Variants in KRT1 observed in about 807,000 individuals in gnomAD.
KRT1 encodes the protein keratin 1, also known as keratin, type II cytoskeletal 1.
In KRT1, 28 loss-of-function variants were observed where a neutral mutation model predicts 51.6. That is an observed-to-expected ratio of 0.54 (90% confidence interval 0.40 to 0.74). KRT1 has a LOEUF of 0.74. Among genes scored for constraint, KRT1 ranks in the 30% least tolerant of loss-of-function variants. KRT1 has a pLI of 0.00. For missense variants in KRT1, 783 were observed against 815.5 expected (o/e 0.96, Z 0.49); for synonymous variants, 301 against 307.7 (o/e 0.98, Z 0.23).
Position 52,678,607 on chromosome 12 carries a change from A to T in KRT1, c.741T>A (p.Ser247Arg). 6.2e-7 allele frequency: 1 copy of T among 1,614,128 alleles called. No individual in the cohort carries two copies. The highest frequency in any genetic ancestry group is 2.2e-5 in the East Asian group (1 of 44,880). The change falls in exon 2 of 9, where the codon AGT becomes AGA. Residue 247 changes from serine (S) to arginine (R), a missense_variant. Coordinates refer to ENST00000252244, the MANE Select transcript of KRT1 (RefSeq NM_006121.4). ...NLRRRVDQLK[S>R]DQSRLDSELK... ...GTTCCGAATCCAACCGAGATTGATC[A>T]CTCTTCAGTTGGTCCACTCTCCTTC...
Position 52,678,694 on chromosome 12 carries a change from T to C in KRT1, c.654A>G (p.Val218=), listed in dbSNP as rs143756169. 2.5e-6 allele frequency: 4 copies of C among 1,614,134 alleles called. No homozygotes were observed. The African/African-American group carries it at 4.0e-5, about 16-fold the overall frequency. Residue 218 remains valine, a synonymous_variant, in exon 2 of 9, where the codon GTA becomes GTG. Transcript: ENST00000252244. ...LQTKWELLQQ[V]DTSTRTHNLE... ...AATTATGGGTTCTAGTGGAGGTATC[T>C]ACCTGCTGCAGCAGCTCCCATTTTG...
Position 52,677,166 on chromosome 12 carries a change from T to C in KRT1, c.1147A>G (p.Thr383Ala). The change falls in exon 6 of 9, where the codon ACT (threonine) becomes GCT (alanine). Residue 383 changes from threonine to alanine, a missense_variant. Physicochemically the swap from Thr to Ala is moderately conservative, Grantham distance 58. Coordinates refer to ENST00000252244, the MANE Select transcript of KRT1 (RefSeq NM_006121.4). ...ACACTATCCCCATGTCTGCCAGCAG[T>C]GATCTGCAGCTCTTCATACTAAAGA... ...YQSKYEELQI[T>A]AGRHGDSVRN... 1 of 1,614,204 alleles carries C rather than the reference T, an allele frequency of 6.2e-7. No individual in the cohort carries two copies. Among genetic ancestry groups the C allele is most frequent in the South Asian group, 1.1e-5 (1 of 91,082 alleles).
rs1331583983 is a variant in KRT1, at chr12:52,674,892, C to T, written c.*301G>A. The T allele has an allele frequency of 3.7e-6, 2 of 543,632 alleles. No homozygotes were observed. Among genetic ancestry groups the T allele is most frequent in the Non-Finnish European group, 6.6e-6 (2 of 302,964 alleles). The allele number at this position is 543,632 out of a possible 1,614,324, so 33.7% of individuals were successfully genotyped here. A position where few individuals can be genotyped will look rare whatever the true frequency, so the allele number is the denominator to read the frequency against. ...TGTCCACACCCTGGGTCTAACTGGTCCTACTCTGGCTGGCTTAAGGAGGTG... is the reference window on the plus strand; with the variant it reads ...TGTCCACACCCTGGGTCTAACTGGTTCTACTCTGGCTGGCTTAAGGAGGTG... On this transcript the variant is annotated 3_prime_UTR_variant, in exon 9 of 9. Transcript: ENST00000252244.
Position 52,675,324 on chromosome 12 carries a change from GGCCGCCAGAGCTGCC to G in KRT1, c.1789_1803del (p.Gly597_Gly601del), listed in dbSNP as rs764913276. ...CCAGAGCTCCCGCCGCCAGAGCCCC[GGCCGCCAGAGCTGCC>G]GCCGCCGCCGCCTCCAGAGCCACCT... On this transcript the variant is annotated inframe_deletion, in exon 9 of 9. Transcript: ENST00000252244. 6.2e-7 allele frequency: 1 copy of G among 1,611,664 alleles called. No homozygotes were observed. The highest frequency in any genetic ancestry group is 1.7e-5 in the Admixed American group (1 of 59,982).
rs2121010472 is a variant in KRT1, at chr12:52,679,824, C to T, written c.525G>A (p.Lys175=). ...LNVEIDPEIQ[K]VKSREREQIK... ...TTTGCTCCCTTTCTCGAGACTTCAC[C>T]TTTTGGATCTCAGGGTCAATCTCCA... is the stretch of plus-strand genomic sequence containing the variant. The change falls in exon 1 of 9, where the codon AAG becomes AAA. Residue 175 remains lysine (K), a synonymous_variant. Transcript: ENST00000252244. The T allele has an allele frequency of 6.2e-7, 1 of 1,614,170 alleles. No homozygotes were observed. Among genetic ancestry groups the T allele is most frequent in the Non-Finnish European group, 8.5e-7 (1 of 1,180,032 alleles).
rs201712128 is a variant in KRT1, at chr12:52,680,339, G to C, written c.10C>G (p.Gln4Glu). MSR[Q>E]FSSRSGYRSG... ...CGGTACCCAGACCTGGAACTAAACTGTCGACTCATGTTGACTTAGAGAAAA... is the reference window on the plus strand; with the variant it reads ...CGGTACCCAGACCTGGAACTAAACTCTCGACTCATGTTGACTTAGAGAAAA... Residue 4 changes from glutamine (Q) to glutamate (E), a missense_variant, in exon 1 of 9, where the codon CAG becomes GAG. Gln to Glu is a conservative substitution (Grantham distance 29, BLOSUM62 2). Transcript: ENST00000252244. 83 of 1,613,892 alleles carry C rather than the reference G, an allele frequency of 5.1e-5. 1 individual carries two copies. In the Admixed American group the frequency reaches 8.7e-4, roughly 17 times the overall value.
Position 52,679,889 on chromosome 12 carries a change from C to A in KRT1, c.460G>T (p.Glu154Ter). 1 of 1,614,104 alleles carries A rather than the reference C, an allele frequency of 6.2e-7. No individual in the cohort carries two copies. The highest frequency in any genetic ancestry group is 8.5e-7 in the Non-Finnish European group (1 of 1,180,016). ...GPVCPPGGIQ[E>*]VTINQSLLQP... Reference sequence around the variant, plus strand: ...AGAAGGCTCTGGTTGATAGTGACTTCTTGTATGCCACCAGGAGGGCAGACA... The same window carrying A: ...AGAAGGCTCTGGTTGATAGTGACTTATTGTATGCCACCAGGAGGGCAGACA... The change falls in exon 1 of 9, where the codon GAA (glutamate) becomes TAA (stop). Residue 154 changes from glutamate (E) to a stop codon, truncating the protein, a stop_gained. Transcript: ENST00000252244. LOFTEE classifies it high-confidence loss of function.
At chr12:52,678,142 C>T (rs368400506) in intron 3 of KRT1, 21 bp downstream of exon 3, 107 of 1,612,050 alleles carry the variant, frequency 6.6e-5, no homozygotes, top group Non-Finnish European at 8.0e-5. Flanking sequence ...ATGTGAGTTC[C>T]GTCCTACAGA....
In KRT1 at chr12:52,676,443, G is replaced by T; in HGVS notation, c.1307C>A (p.Ala436Asp). 1 of 1,614,154 alleles carries T rather than the reference G, an allele frequency of 6.2e-7. No individual in the cohort carries two copies. The highest frequency in any genetic ancestry group is 8.5e-7 in the Non-Finnish European group (1 of 1,180,036). The change falls in exon 7 of 9, where the codon GCC becomes GAC. Residue 436 changes from alanine to aspartate, a missense_variant. Physicochemically the swap from Ala to Asp is moderately radical, Grantham distance 126 (BLOSUM62 -2). Transcript: ENST00000252244. ...ISDAEQRGEN[A>D]LKDAKNKLND... ...CAGCTTGTTCTTGGCATCCTTGAGGGCATTCTCGCCACGCTGCTCTGCATC... is the reference window on the plus strand; with the variant it reads ...CAGCTTGTTCTTGGCATCCTTGAGGTCATTCTCGCCACGCTGCTCTGCATC...
intron 2 of KRT1, 40 bp from the exon 3 acceptor site, chr12:52,678,263 TA>T (rs757417175): frequency 6.3e-7 from 1 of 1,599,966 alleles, no homozygotes; most frequent in Non-Finnish European, 8.6e-7. Context: ...TCAGAGGTGG[TA>T]AGACCTGAAG....
rs1222036560 is a variant in KRT1 at position 52,677,655 on chromosome 12, G to C, written c.958C>G (p.Gln320Glu). ...QEIDFLTALYQAELSQMQTQI... is the reference protein window; with the variant it reads ...QEIDFLTALYEAELSQMQTQI... ...GTTGAAACTGGAAGACTTACTGCTTGGTAGAGTGCTGTAAGGAAATCAATT... is the reference window on the plus strand; with the variant it reads ...GTTGAAACTGGAAGACTTACTGCTTCGTAGAGTGCTGTAAGGAAATCAATT... The change falls in exon 4 of 9, where the codon CAA becomes GAA. Residue 320 changes from glutamine (Q) to glutamate (E), a missense_variant. Gln to Glu is a conservative substitution (Grantham distance 29, BLOSUM62 2). Transcript: ENST00000252244. The C allele has an allele frequency of 9.9e-6, 16 of 1,614,012 alleles. No individual in the cohort carries two copies. The highest frequency in any genetic ancestry group is 1.3e-5 in the Non-Finnish European group (15 of 1,179,892).
At position 52,675,558 on chromosome 12, in the gene KRT1, C is replaced by T. The variant is rs1157848022; in HGVS notation, c.1570G>A (p.Gly524Ser). The T allele has an allele frequency of 1.9e-6, 3 of 1,613,956 alleles. No individual in the cohort carries two copies. The highest frequency in any genetic ancestry group is 2.5e-6 in the Non-Finnish European group (3 of 1,179,944). The change falls in exon 9 of 9, where the codon GGC becomes AGC. Residue 524 changes from glycine (G) to serine (S), a missense_variant. Coordinates refer to ENST00000252244, the MANE Select transcript of KRT1 (RefSeq NM_006121.4). Reference sequence around the variant, plus strand: ...TAGCTGCTACCTCCAGAGCCGTAGCCACCGCCGCCACCTCCTCGGCTGCCA... The same window carrying T: ...TAGCTGCTACCTCCAGAGCCGTAGCTACCGCCGCCACCTCCTCGGCTGCCA... ...GGGSRGGGGG[G>S]YGSGGSSYGS... is the part of the protein sequence containing the mutation.
chr12:52,678,192 C>A lies in KRT1; in HGVS notation c.838G>T (p.Ala280Ser), dbSNP rs1466875079. 1 of 1,614,164 alleles carries A rather than the reference C, an allele frequency of 6.2e-7. No homozygotes were observed. The highest frequency in any genetic ancestry group is 1.7e-5 in the Admixed American group (1 of 60,032). ...YEDEINKRTN[A>S]ENEFVTIKKD... is the part of the protein sequence containing the mutation. ...TTGATGGTCACAAATTCATTCTCTGCATTTGTCCGCTTGTTGATTTCATCC... is the reference window on the plus strand; with the variant it reads ...TTGATGGTCACAAATTCATTCTCTGAATTTGTCCGCTTGTTGATTTCATCC... The change falls in exon 3 of 9, where the codon GCA (alanine) becomes TCA (serine). Residue 280 changes from alanine to serine, a missense_variant. By Grantham distance (99) the Ala-to-Ser change is moderately conservative (BLOSUM62 1). Coordinates refer to ENST00000252244, the MANE Select transcript of KRT1 (RefSeq NM_006121.4).
At chr12:52,678,076 T>A in intron 3 of KRT1, 87 bp downstream of exon 3, 1 of 1,311,798 alleles carries the variant, frequency 7.6e-7, no homozygotes, top group South Asian at 1.2e-5. Context: ...TGGCTCTCCA[T>A]ATCATGGCTG....
In KRT1 at chr12:52,680,268, G is replaced by A. The variant is rs780472245; in HGVS notation, c.81C>T (p.Tyr27=). 2 of 1,613,662 alleles carry A rather than the reference G, an allele frequency of 1.2e-6. No individual in the cohort carries two copies. The highest frequency in any genetic ancestry group is 4.5e-5 in the East Asian group (2 of 44,846). ...TGGAGCTGCTGGTGGTCCTGCGCTG[G>A]TAGTTGATGATCCCAGCAGAGCCAG... is the stretch of plus-strand genomic sequence containing the variant. ...FSSGSAGIIN[Y]QRRTTSSSTR... Residue 27 remains tyrosine, a synonymous_variant, in exon 1 of 9, where the codon TAC becomes TAT. Transcript: ENST00000252244.
intron 3 of KRT1, 68 bp downstream of exon 3, chr12:52,678,095 T>C: frequency 6.8e-7 from 1 of 1,478,374 alleles, no homozygotes; most frequent in Middle Eastern, 1.7e-4. Context: ...TGCTTTCTGC[T>C]TAGTAATTGG....
In KRT1 at chr12:52,680,259, C is replaced by A. The variant is rs1190118432; in HGVS notation, c.90G>T (p.Arg30Ser). The change falls in exon 1 of 9, where the codon AGG becomes AGT. Residue 30 changes from arginine to serine, a missense_variant. Coordinates refer to ENST00000252244, the MANE Select transcript of KRT1 (RefSeq NM_006121.4). ...TGCGGCGTGTGGAGCTGCTGGTGGT[C>A]CTGCGCTGGTAGTTGATGATCCCAG... Reference protein sequence around the residue: ...GSAGIINYQRRTTSSSTRRSG... With the variant: ...GSAGIINYQRSTTSSSTRRSG... The A allele has an allele frequency of 6.2e-7, 1 of 1,614,016 alleles. No individual in the cohort carries two copies. Among genetic ancestry groups the A allele is most frequent in the Non-Finnish European group, 8.5e-7 (1 of 1,179,994 alleles).
intron 6 of KRT1, among the ~76,000 whole-genome samples, 163 bp from the exon 7 acceptor site, chr12:52,676,658 T>C (rs1941508441): frequency 6.6e-6 from 1 of 152,176 alleles, no homozygotes; most frequent in Non-Finnish European, 1.5e-5. Flanking sequence ...CCATGTTGAC[T>C]TCCTTAAAAG....
chr12:52,675,099 G>A lies in KRT1; in HGVS notation c.*94C>T, dbSNP rs1941479283. 3 of 1,482,502 alleles carry A rather than the reference G, an allele frequency of 2.0e-6. No individual in the cohort carries two copies. The highest frequency in any genetic ancestry group is 1.1e-5 in the South Asian group (1 of 88,196). The allele number at this position is 1,482,502 out of a possible 1,614,324, so 91.8% of individuals were successfully genotyped here. ...GTAACTAACCATAGCTCTTTTCTCC[G>A]GTAAGGCTGGGACAAATCGACCTCG... On this transcript the variant is annotated 3_prime_UTR_variant, in exon 9 of 9. Transcript: ENST00000252244.
Sources: gnomAD v4.1 joint callset for allele counts (sites outside exome capture counted in the v4.1 genomes callset) on GRCh38, gnomAD v4.1.1 for gene constraint, MANE v1.5 for transcripts, NCBI Gene and HGNC (gene_info 2026-07-23, HGNC 2026-07-21) for gene names.